ANK3: variants seen among roughly 807,000 people sequenced by gnomAD.
ANK3 encodes ankyrin-3.
ANK3 carries 57 observed loss-of-function variants against 370.9 expected under a neutral mutation model. The observed-to-expected ratio is 0.15, with a 90% CI of 0.12 to 0.19. The LOEUF is 0.19. Ranked by LOEUF, ANK3 falls within the 10% of genes least tolerant of loss-of-function variation. The pLI is 1.00. For synonymous variants in ANK3, 1,929 were observed against 1,946.3 expected (o/e 0.99, Z 0.23); for missense variants, 4,439 against 5,302.1 (o/e 0.84, Z 5.06).
chr10:60,341,037 G>A (rs1357014877), intron 1 of ANK3, among the ~76,000 whole-genome samples: 2 of 152,156 alleles, frequency 1.3e-5, no homozygotes, highest in South Asian at 2.1e-4. Flanking sequence ...CCGTCATTCT[G>A]TGTTGGCTGT....
intron 1 of ANK3, among the ~76,000 whole-genome samples, chr10:60,653,038 C>T (rs1181829856): frequency 6.6e-6 from 1 of 151,932 alleles, no homozygotes; most frequent in East Asian, 1.9e-4. Flanking sequence ...TATAAGAGAC[C>T]TCTATAATTT....
chr10:60,613,759 C>A (rs200852353), intron 2 of ANK3, among the ~76,000 whole-genome samples: 8 of 148,322 alleles, frequency 5.4e-5, no homozygotes, highest in African/African-American at 7.4e-5. Flanking sequence ...TGAACAAAAA[C>A]AAAAAAAAAA....
intron 2 of ANK3, among the ~76,000 whole-genome samples, chr10:60,464,367 A>G (rs2064961694): frequency 6.6e-6 from 1 of 152,106 alleles, no homozygotes; most frequent in Non-Finnish European, 1.5e-5. Flanking sequence ...TTCCTAAAAA[A>G]TATTTTTTCT....
intron 23 of ANK3, among the ~76,000 whole-genome samples, chr10:60,147,562 G>T (rs914508936): frequency 1.3e-5 from 2 of 152,188 alleles, no homozygotes; most frequent in African/African-American, 4.8e-5. Flanking sequence ...TGTTGGAGAT[G>T]GGGCCTGGTG....
intron 16 of ANK3, among the ~76,000 whole-genome samples, chr10:60,193,774 A>G (rs1388836606): frequency 6.6e-6 from 1 of 152,174 alleles, no homozygotes; most frequent in Admixed American, 6.5e-5. Flanking sequence ...AAAATAGTTC[A>G]CTTACTAATT....
intron 2 of ANK3, among the ~76,000 whole-genome samples, chr10:60,430,191 G>A (rs2063984049): frequency 2.0e-5 from 3 of 152,216 alleles, no homozygotes; most frequent in Admixed American, 1.3e-4. Flanking sequence ...CATAGGCTTG[G>A]AAGTCTGGGC....
At chr10:60,650,522 A>G (rs1050661569) in intron 1 of ANK3, among the ~76,000 whole-genome samples, 12 of 152,192 alleles carry the variant, frequency 7.9e-5, no homozygotes, top group African/African-American at 2.9e-4. Context: ...TGCTCCCTAC[A>G]TGAAGTACAA....
intron 2 of ANK3, among the ~76,000 whole-genome samples, chr10:60,410,312 T>C (rs2063533816): frequency 6.6e-6 from 1 of 152,158 alleles, no homozygotes; most frequent in Non-Finnish European, 1.5e-5. Flanking sequence ...TTACTCATAG[T>C]TGCAACTTTA....
intron 1 of ANK3, among the ~76,000 whole-genome samples, chr10:60,650,357 A>C (rs2078770128): frequency 8.9e-6 from 1 of 112,278 alleles, no homozygotes; most frequent in East Asian, 2.4e-4. Flanking sequence ...AGTACTATCT[A>C]CTACTTTACA....
At chr10:60,663,767 T>C (rs2078964922) in intron 1 of ANK3, among the ~76,000 whole-genome samples, 1 of 152,236 alleles carries the variant, frequency 6.6e-6, no homozygotes. Flanking sequence ...GCACATTAAC[T>C]TATTTCTCCA....
intron 1 of ANK3, among the ~76,000 whole-genome samples, chr10:60,330,645 G>C (rs1593901692): frequency 6.6e-6 from 1 of 152,150 alleles, no homozygotes. Flanking sequence ...TGGAGAAATA[G>C]GAACACTTTT....
At chr10:60,171,911 T>C (rs985244555) in intron 21 of ANK3, among the ~76,000 whole-genome samples, 5 of 152,230 alleles carry the variant, frequency 3.3e-5, no homozygotes, top group Admixed American at 6.5e-5. Flanking sequence ...CCATGTACCA[T>C]TTGTGCATTA....
intron 1 of ANK3, among the ~76,000 whole-genome samples, chr10:60,303,302 G>A (rs909796646): frequency 3.3e-5 from 5 of 151,918 alleles, no homozygotes; most frequent in Non-Finnish European, 5.9e-5. Flanking sequence ...ATTTGTGAAC[G>A]ATACATGTAA....
chr10:60,502,834 G>GA (rs2075838730), intron 2 of ANK3, among the ~76,000 whole-genome samples: 1 of 146,232 alleles, frequency 6.8e-6, no homozygotes, highest in African/African-American at 2.5e-5. Flanking sequence ...AAGAAAGAAG[G>GA]AGTAAGAGAA....
At position 60,059,886 on chromosome 10, in the gene ANK3, G is replaced by T; in HGVS notation, c.12596-456C>A. ...TAGCCCATCACTCAGTCTACTAGGG[G>T]TTCTAAGGGGAGATTCTATGCTAGA... On this transcript the variant is annotated intron_variant, in intron 40 of 43. Transcript: ENST00000280772. 1.9e-6 allele frequency: 3 copies of T among 1,614,224 alleles called. No individual in the cohort carries two copies. The highest frequency in any genetic ancestry group is 1.1e-5 in the South Asian group (1 of 91,084).
intron 2 of ANK3, among the ~76,000 whole-genome samples, chr10:60,594,838 C>T (rs1226087597): frequency 1.3e-5 from 2 of 152,030 alleles, no homozygotes; most frequent in African/African-American, 2.4e-5. Flanking sequence ...GTTAGTCCTG[C>T]TGGTTGTGCC....
intron 1 of ANK3, among the ~76,000 whole-genome samples, chr10:60,682,932 G>A (rs899582132): frequency 1.3e-5 from 2 of 152,200 alleles, no homozygotes; most frequent in Non-Finnish European, 2.9e-5. Context: ...ATCCCAACTT[G>A]AAGCCAGTTG....
chr10:60,040,191 T>C (rs2075839781), intron 43 of ANK3, among the ~76,000 whole-genome samples: 1 of 152,156 alleles, frequency 6.6e-6, no homozygotes. Context: ...AGAGTTCAGA[T>C]AGCTCAAAAT....
At chr10:60,247,207 C>T (rs779320342) in intron 7 of ANK3, among the ~76,000 whole-genome samples, 10 of 151,930 alleles carry the variant, frequency 6.6e-5, no homozygotes, top group South Asian at 6.3e-4. Flanking sequence ...TTAGTGGAGA[C>T]GGGGTTTCAC....
Sources: allele counts gnomAD v4.1 joint callset (sites outside exome capture counted in the v4.1 genomes callset), GRCh38; gene constraint gnomAD v4.1.1; transcripts MANE v1.5; gene names NCBI Gene and HGNC (gene_info 2026-07-23, HGNC 2026-07-21).